Variants in FSTL4 observed in about 807,000 individuals in gnomAD.
The protein encoded by FSTL4 is follistatin like 4, also known as follistatin-related protein 4.
A neutral mutation model predicts 78.2 loss-of-function variants in FSTL4; 28 were observed. That is an observed-to-expected ratio of 0.36 (90% CI 0.27 to 0.49). The LOEUF is 0.49. Ranked by LOEUF, FSTL4 falls within the 20% of genes least tolerant of loss-of-function variation. The pLI is 0.98. For missense variants in FSTL4, 922 were observed against 1,084.9 expected, an observed-to-expected ratio of 0.85 and a Z score of 2.11; for synonymous variants, 422 against 440.5, an observed-to-expected ratio of 0.96 and a Z score of 0.53.
intron 3 of FSTL4, among the ~76,000 whole-genome samples, chr5:133,404,406 A>G (rs1477434149): frequency 1.3e-5 from 2 of 152,240 alleles, no homozygotes; most frequent in Non-Finnish European, 2.9e-5. Flanking sequence ...CAATGCATGA[A>G]AAGTACAATG....
At chr5:133,280,372 C>A (rs1049069964) in intron 6 of FSTL4, among the ~76,000 whole-genome samples, 2 of 152,170 alleles carry the variant, frequency 1.3e-5, no homozygotes, top group African/African-American at 4.8e-5. Context: ...CTCAGACCCT[C>A]TGCAGTTAGC....
chr5:133,714,783 C>T, the FSTL4 span, among the ~76,000 whole-genome samples: 1 of 152,180 alleles, frequency 6.6e-6, no homozygotes, highest in East Asian at 1.9e-4. Flanking sequence ...TGTGTTACCC[C>T]AGCGTCATTT....
the FSTL4 span, among the ~76,000 whole-genome samples, chr5:133,683,265 C>G: frequency 1.3e-5 from 2 of 152,108 alleles, no homozygotes; most frequent in Non-Finnish European, 1.5e-5. Flanking sequence ...CATCTGCCAT[C>G]CCCTAAATTA....
At position 133,199,922 on chromosome 5, in the gene FSTL4, T is replaced by G; in HGVS notation, c.1827-125A>C. ...ATCCTTCAGTGATCTAATAGCCTAG[T>G]AATAAGATCTATCATTCTGCAGGGG... is the stretch of plus-strand genomic sequence containing the variant. On this transcript the variant is annotated intron_variant, in intron 15 of 15. Coordinates refer to ENST00000265342, the MANE Select transcript of FSTL4 (RefSeq NM_015082.2). This position sits in a 1 kb window ranked among gnomAD's most constrained non-coding sequence, Gnocchi z 4.4. 1 of 608,140 alleles carries G rather than the reference T, an allele frequency of 1.6e-6. No individual in the cohort carries two copies. 37.7% of individuals were successfully genotyped at this position (608,140 alleles called of 1,614,324 possible).
intron 3 of FSTL4, among the ~76,000 whole-genome samples, chr5:133,477,552 T>C (rs1332023248): frequency 6.6e-6 from 1 of 152,220 alleles, no homozygotes; most frequent in Non-Finnish European, 1.5e-5. Context: ...ACATGTGGCT[T>C]GCCCAAGGCC....
chr5:133,840,280 C>A, the FSTL4 span, among the ~76,000 whole-genome samples: 4 of 152,232 alleles, frequency 2.6e-5, no homozygotes, highest in South Asian at 2.1e-4. Flanking sequence ...GTTATAATTT[C>A]TTTGGGGAAT....
chr5:133,220,759 A>G lies in FSTL4; in HGVS notation c.1447T>C (p.Phe483Leu), dbSNP rs375077200. 6.3e-7 allele frequency: 1 copy of G among 1,579,202 alleles called. No homozygotes were observed. Among genetic ancestry groups the G allele is most frequent in the East Asian group, 2.2e-5 (1 of 44,726 alleles). The change falls in exon 12 of 16, where the codon TTC (phenylalanine) becomes CTC (leucine). Residue 483 changes from phenylalanine to leucine, a missense_variant. Coordinates refer to ENST00000265342, the MANE Select transcript of FSTL4 (RefSeq NM_015082.2). Reference sequence around the variant, plus strand: ...GCACAGTTACTTACATAGCTCATGAAAATCTTTTCCGTGGGTTTGAGGTGC... The same window carrying G: ...GCACAGTTACTTACATAGCTCATGAGAATCTTTTCCGTGGGTTTGAGGTGC... ...QRHLKPTEKIFMSYEEICPQR... is the reference protein window; with the variant it reads ...QRHLKPTEKILMSYEEICPQR...
the FSTL4 span, among the ~76,000 whole-genome samples, chr5:133,743,685 A>G: frequency 6.6e-6 from 1 of 152,264 alleles, no homozygotes. Context: ...TCTTTTCATT[A>G]TAATTATCTG....
intron 3 of FSTL4, among the ~76,000 whole-genome samples, chr5:133,564,898 T>C (rs1269442706): frequency 6.6e-6 from 1 of 152,202 alleles, no homozygotes; most frequent in African/African-American, 2.4e-5. Context: ...TTAGCCCCTC[T>C]CACTTCTCAA....
At chr5:133,580,717 T>C (rs256257) in intron 2 of FSTL4, among the ~76,000 whole-genome samples, 93,806 of 152,050 alleles carry the variant, frequency 0.62, 29,073 homozygotes, top group Middle Eastern at 0.74. Flanking sequence ...TGTTCAATCC[T>C]TCCTGCCCAC....
chr5:133,664,285 C>T, the FSTL4 span, among the ~76,000 whole-genome samples: 1 of 151,742 alleles, frequency 6.6e-6, no homozygotes, highest in Admixed American at 6.6e-5. Flanking sequence ...GATCTGGAAA[C>T]ATGGCGCAGC....
chr5:133,487,988 C>A (rs1227742723), intron 3 of FSTL4, among the ~76,000 whole-genome samples: 1 of 152,190 alleles, frequency 6.6e-6, no homozygotes, highest in Non-Finnish European at 1.5e-5. Context: ...ACCAGTCAAA[C>A]ACCAGCCTTT....
chr5:133,569,330 T>C (rs1482290915), intron 2 of FSTL4, among the ~76,000 whole-genome samples: 3 of 152,268 alleles, frequency 2.0e-5, no homozygotes, highest in Non-Finnish European at 2.9e-5. Context: ...CACCCTTGTC[T>C]TGGCTTTTGC....
Position 133,225,292 on chromosome 5 carries a change from C to A in FSTL4, c.1178-8G>T, listed in dbSNP as rs1384614811. On this transcript the variant is annotated splice_region_variant and splice_polypyrimidine_tract_variant and intron_variant, in intron 9 of 15. Coordinates refer to ENST00000265342, the MANE Select transcript of FSTL4 (RefSeq NM_015082.2). This position sits in a 1 kb window ranked among gnomAD's most constrained non-coding sequence, Gnocchi z 4.6. ...GGAGTTCGCTCCCATTGGCTGCAGACAGGACAGTGCTCAGGGTGGACTGCT... is the reference window on the plus strand; with the variant it reads ...GGAGTTCGCTCCCATTGGCTGCAGAAAGGACAGTGCTCAGGGTGGACTGCT... The A allele has an allele frequency of 5.6e-6, 9 of 1,614,070 alleles. No homozygotes were observed. The highest frequency in any genetic ancestry group is 7.6e-6 in the Non-Finnish European group (9 of 1,180,048).
At chr5:133,630,363 A>T in the FSTL4 span, among the ~76,000 whole-genome samples, 2 of 151,622 alleles carry the variant, frequency 1.3e-5, no homozygotes, top group Non-Finnish European at 2.9e-5. Context: ...ATAGACAGAC[A>T]GCCAAATCAT....
At chr5:133,476,760 A>G (rs1046137101) in intron 3 of FSTL4, among the ~76,000 whole-genome samples, 36 of 152,188 alleles carry the variant, frequency 2.4e-4, no homozygotes, top group Non-Finnish European at 7.3e-5. Context: ...TCCCCTATTC[A>G]AGGGTCAGAG....
the FSTL4 span, among the ~76,000 whole-genome samples, chr5:133,690,965 T>C: frequency 6.6e-6 from 1 of 152,174 alleles, no homozygotes; most frequent in East Asian, 1.9e-4. Flanking sequence ...GAGAGCTCCA[T>C]AAAAGATGAG....
the FSTL4 span, among the ~76,000 whole-genome samples, chr5:133,762,652 T>C: frequency 6.6e-6 from 1 of 152,216 alleles, no homozygotes. Context: ...CTCCATGTGT[T>C]AATTTTATCT....
the FSTL4 span, among the ~76,000 whole-genome samples, chr5:133,751,829 A>C: frequency 6.6e-6 from 1 of 152,240 alleles, no homozygotes; most frequent in Non-Finnish European, 1.5e-5. Context: ...AGGGGCACAG[A>C]CCAACTGTTT....
Sources: allele counts gnomAD v4.1 joint callset (sites outside exome capture counted in the v4.1 genomes callset), GRCh38; gene constraint gnomAD v4.1.1; non-coding constraint Gnocchi (gnomAD v3.1); transcripts MANE v1.5; gene names NCBI Gene and HGNC (gene_info 2026-07-23, HGNC 2026-07-21).